Variants in CASP8 observed in about 807,000 individuals in gnomAD.
The protein encoded by CASP8 is caspase 8, also known as caspase-8.
Under a neutral mutation model 46.3 loss-of-function variants are expected in CASP8, and 24 were observed. The observed-to-expected ratio is 0.52, with a 90% CI of 0.38 to 0.73. The LOEUF (loss-of-function observed/expected upper bound fraction) is 0.73. Ranked by LOEUF, CASP8 falls within the 30% of genes least tolerant of loss-of-function variation. The pLI is 0.00. For synonymous variants in CASP8, 188 were observed against 200.4 expected (o/e 0.94, Z 0.52); for missense variants, 460 against 559.0 (o/e 0.82, Z 1.79).
intron 2 of CASP8, among the ~76,000 whole-genome samples, chr2:201,243,267 G>T (rs778353677): frequency 7.2e-5 from 11 of 152,126 alleles, no homozygotes. Context: ...TAAAGCAATA[G>T]AAAAGGATTC....
chr2:201,247,246 C>G lies in CASP8; in HGVS notation c.-27+13134C>G, dbSNP rs373735661. ...ATTTTAGGAAGAAATCTATCTGATT[C>G]TAGAATTATCTAGGCTGTTGAGGAT... is the stretch of plus-strand genomic sequence containing the variant. On this transcript the variant is annotated intron_variant, in intron 2 of 6. Transcript: ENST00000264274. Among the ~76,000 whole-genome samples the G allele has an allele frequency of 4.1e-5, 6 of 146,290 alleles. No homozygotes were observed. In the East Asian group the frequency reaches 6.1e-4, roughly 15 times the overall value.
At chr2:201,259,119 T>C (rs899361846), upstream of CASP8, among the ~76,000 whole-genome samples, 3 of 152,234 alleles carry the variant, frequency 2.0e-5, no homozygotes, top group African/African-American at 4.8e-5. Context: ...GCAATTATTA[T>C]TGCATATTAA....
chr2:201,236,593 CTT>C (rs770126015), intron 2 of CASP8, among the ~76,000 whole-genome samples: 8 of 151,992 alleles, frequency 5.3e-5, no homozygotes, highest in Admixed American at 2.0e-4. Context: ...ATTAAAAAGT[CTT>C]TTTTTAGAGA....
At chr2:201,279,643 C>T (rs1948870434) in intron 7 of CASP8, among the ~76,000 whole-genome samples, 1 of 152,146 alleles carries the variant, frequency 6.6e-6, no homozygotes, top group Non-Finnish European at 1.5e-5. Context: ...GGTCAGCAGG[C>T]ATTTGAAGAA....
intron 2 of CASP8, among the ~76,000 whole-genome samples, chr2:201,238,569 G>A (rs1025963628): frequency 1.3e-5 from 2 of 151,932 alleles, no homozygotes; most frequent in Admixed American, 6.6e-5. Flanking sequence ...AGCCTCCCGA[G>A]TAGCTGGGAC....
At chr2:201,270,907 T>C (rs1948200670) in intron 2 of CASP8, among the ~76,000 whole-genome samples, 1 of 152,142 alleles carries the variant, frequency 6.6e-6, no homozygotes, top group South Asian at 2.1e-4. Flanking sequence ...TTGAGGATGC[T>C]CAGGCAATGC....
chr2:201,280,069 C>G (rs1213038482), intron 7 of CASP8, among the ~76,000 whole-genome samples: 1 of 151,782 alleles, frequency 6.6e-6, no homozygotes, highest in East Asian at 1.9e-4. Flanking sequence ...TTTTTTAATG[C>G]TTAATATTGG....
chr2:201,275,701 A>C (rs1209191860), intron 6 of CASP8, among the ~76,000 whole-genome samples: 3 of 152,156 alleles, frequency 2.0e-5, no homozygotes, highest in Non-Finnish European at 4.4e-5. Context: ...AGAGCTAAAA[A>C]CACTGTCTTA....
At chr2:201,235,462 C>T (rs573735680) in intron 2 of CASP8, among the ~76,000 whole-genome samples, 17 of 152,014 alleles carry the variant, frequency 1.1e-4, no homozygotes, top group African/African-American at 2.7e-4. Context: ...GTTTTTTATT[C>T]GTGGCATCAA....
chr2:201,252,279 GT>G (rs1946820976), intron 2 of CASP8, among the ~76,000 whole-genome samples: 4 of 151,662 alleles, frequency 2.6e-5, no homozygotes, highest in Non-Finnish European at 5.9e-5. Context: ...TTTTGTTTTT[GT>G]TTTTGTTTTT....
At chr2:201,251,604 A>C (rs1239529135) in intron 2 of CASP8, among the ~76,000 whole-genome samples, 2 of 139,716 alleles carry the variant, frequency 1.4e-5, no homozygotes, top group African/African-American at 5.7e-5. Context: ...CAAAAAAAAA[A>C]AAAAAGAAAA....
At chr2:201,275,893 A>G (rs1948600789) in intron 6 of CASP8, among the ~76,000 whole-genome samples, 1 of 152,208 alleles carries the variant, frequency 6.6e-6, no homozygotes, top group Admixed American at 6.5e-5. Context: ...GTGTCTTAGT[A>G]TCTCAGTAAA....
intron 2 of CASP8, among the ~76,000 whole-genome samples, chr2:201,255,111 T>G (rs187215867): frequency 6.6e-6 from 1 of 152,190 alleles, no homozygotes; most frequent in Non-Finnish European, 1.5e-5. Flanking sequence ...TGAGACGGAG[T>G]GTCCCTCTGT....
At chr2:201,259,121 G>A (rs1947208658), upstream of CASP8, among the ~76,000 whole-genome samples, 1 of 151,976 alleles carries the variant, frequency 6.6e-6, no homozygotes, top group African/African-American at 2.4e-5. Context: ...AATTATTATT[G>A]CATATTAATA....
chr2:201,259,883 T>G (rs1010461788), upstream of CASP8, among the ~76,000 whole-genome samples: 1 of 151,658 alleles, frequency 6.6e-6, no homozygotes, highest in Non-Finnish European at 1.5e-5. Flanking sequence ...ATTTTAGAGT[T>G]TTTTCTTTTT....
intron 2 of CASP8, among the ~76,000 whole-genome samples, chr2:201,253,293 C>CTTTTTTTT (rs34341476): frequency 1.0e-4 from 7 of 67,962 alleles, no homozygotes; most frequent in East Asian, 4.8e-4. Context: ...CTAGCCTGAT[C>CTTTTTTTT]TTTTTTTTTT....
At chr2:201,286,383 C>G in intron 8 of CASP8, 76 bp from the exon 9 acceptor site, 1 of 1,552,122 alleles carries the variant, frequency 6.4e-7, no homozygotes. Context: ...AGAACTATCT[C>G]TGAGCACAGC....
At chr2:201,283,269 T>C (rs1407064080) in intron 7 of CASP8, among the ~76,000 whole-genome samples, 2 of 74,298 alleles carry the variant, frequency 2.7e-5, no homozygotes, top group African/African-American at 4.8e-5. Flanking sequence ...GGGCGGGGGG[T>C]TGAACCCCCA....
chr2:201,241,694 T>A (rs1001138703), intron 2 of CASP8: 2 of 152,238 alleles, frequency 1.3e-5, no homozygotes, highest in East Asian at 3.8e-4. Context: ...CTTCCAAATT[T>A]ATTTTATGTG....
Sources: allele counts gnomAD v4.1 joint callset (sites outside exome capture counted in the v4.1 genomes callset), GRCh38; gene constraint gnomAD v4.1.1; transcripts MANE v1.5; gene names NCBI Gene and HGNC (gene_info 2026-07-23, HGNC 2026-07-21).